Variants in GALNT17 observed in about 807,000 individuals in gnomAD.
GALNT17 encodes the protein polypeptide N-acetylgalactosaminyltransferase 17.
Under a neutral mutation model 63.7 loss-of-function variants are expected in GALNT17, and 29 were observed. That is an observed-to-expected ratio of 0.46 (90% CI 0.34 to 0.62). The LOEUF (loss-of-function observed/expected upper bound fraction) is 0.62. Among genes scored for constraint, GALNT17 ranks in the 20% least tolerant of loss-of-function variants. The probability of loss-of-function intolerance (pLI) is 0.01; values close to 1 mark genes in which losing one functional copy is unlikely to be tolerated. For missense variants in GALNT17, 603 were observed against 799.6 expected (o/e 0.75, Z 2.97); for synonymous variants, 305 against 318.3 (o/e 0.96, Z 0.45).
chr7:71,366,247 G>A (rs368923015), intron 2 of GALNT17, among the ~76,000 whole-genome samples: 4 of 151,984 alleles, frequency 2.6e-5, no homozygotes, highest in East Asian at 1.9e-4. Flanking sequence ...GTATTGTTCC[G>A]AGGCCTAGGG....
intron 2 of GALNT17, among the ~76,000 whole-genome samples, chr7:71,366,277 G>T (rs1792506005): frequency 6.6e-6 from 1 of 151,978 alleles, no homozygotes; most frequent in Non-Finnish European, 1.5e-5. Flanking sequence ...CTGTGATCTA[G>T]GTGTATACAT....
chr7:71,229,800 C>T (rs965627963), intron 1 of GALNT17, among the ~76,000 whole-genome samples: 3 of 152,332 alleles, frequency 2.0e-5, no homozygotes, highest in Middle Eastern at 3.4e-3. Context: ...CCACCTAGTT[C>T]GATGTCTGTG....
chr7:71,140,213 A>G (rs944991601), intron 1 of GALNT17, among the ~76,000 whole-genome samples: 1 of 152,174 alleles, frequency 6.6e-6, no homozygotes, highest in African/African-American at 2.4e-5. Flanking sequence ...GAACATCAGA[A>G]GGAAACCAGG....
At chr7:71,451,491 A>G (rs1563103035) in intron 5 of GALNT17, among the ~76,000 whole-genome samples, 2 of 152,040 alleles carry the variant, frequency 1.3e-5, no homozygotes, top group Admixed American at 1.3e-4. Context: ...AAATGAGATT[A>G]ATTTTAAAAT....
intron 6 of GALNT17, among the ~76,000 whole-genome samples, chr7:71,593,510 C>T (rs963661849): frequency 4.6e-5 from 7 of 152,110 alleles, no homozygotes; most frequent in African/African-American, 1.2e-4. Flanking sequence ...GTGATCTGCC[C>T]ATCTTGGCCT....
chr7:71,331,459 G>C (rs1342175511), intron 1 of GALNT17, among the ~76,000 whole-genome samples: 1 of 152,228 alleles, frequency 6.6e-6, no homozygotes, highest in African/African-American at 2.4e-5. Context: ...TGTAATCCCA[G>C]CATTTTGGGA....
At chr7:71,296,665 A>G (rs1791085531) in intron 1 of GALNT17, among the ~76,000 whole-genome samples, 1 of 151,644 alleles carries the variant, frequency 6.6e-6, no homozygotes, top group South Asian at 2.1e-4. Context: ...ACATACATGC[A>G]TACATATATA....
At position 71,132,904 on chromosome 7, in the gene GALNT17, C is replaced by A. The variant is rs752006154; in HGVS notation, c.102C>A (p.Arg34=). The A allele has an allele frequency of 5.7e-5, 92 of 1,612,570 alleles. No individual in the cohort carries two copies. Among genetic ancestry groups the A allele is most frequent in the Non-Finnish European group, 7.4e-5 (87 of 1,179,606 alleles). The stretch of plus-strand genomic sequence containing the variant: ...CCAAGTGCCGGCCCATCGCGGTGCG[C>A]AGCGGAGACGCCTTCCACGAGATCC... The part of the protein sequence containing the change: ...FLAKCRPIAV[R]SGDAFHEIRP... The change falls in exon 1 of 11, where the codon CGC becomes CGA. Residue 34 remains arginine (R), a synonymous_variant. Coordinates refer to ENST00000333538, the MANE Select transcript of GALNT17 (RefSeq NM_022479.3).
intron 1 of GALNT17, among the ~76,000 whole-genome samples, chr7:71,235,065 A>G (rs921865548): frequency 2.0e-5 from 3 of 152,140 alleles, no homozygotes; most frequent in South Asian, 2.1e-4. Flanking sequence ...AGCCTGGGCA[A>G]CACAGTGAAA....
intron 5 of GALNT17, among the ~76,000 whole-genome samples, chr7:71,534,025 T>G (rs2116787735): frequency 6.6e-6 from 1 of 152,268 alleles, no homozygotes; most frequent in South Asian, 2.1e-4. Flanking sequence ...TAAGTTTCAA[T>G]TCCCTGATAC....
intron 1 of GALNT17, among the ~76,000 whole-genome samples, chr7:71,200,031 A>C (rs1345799570): frequency 6.6e-6 from 1 of 152,186 alleles, no homozygotes; most frequent in African/African-American, 2.4e-5. Context: ...TCTCCTCAGA[A>C]AATGTTTTGA....
intron 1 of GALNT17, among the ~76,000 whole-genome samples, chr7:71,232,681 C>A (rs1789814390): frequency 6.6e-6 from 1 of 152,130 alleles, no homozygotes; most frequent in African/African-American, 2.4e-5. Context: ...GCAGGGCTGC[C>A]CCATAGGCAG....
chr7:71,535,088 C>A (rs534196490), intron 5 of GALNT17, among the ~76,000 whole-genome samples: 1 of 152,236 alleles, frequency 6.6e-6, no homozygotes, highest in African/African-American at 2.4e-5. Context: ...GTGCCTGAGC[C>A]TTTGGACCAA....
intron 6 of GALNT17, among the ~76,000 whole-genome samples, chr7:71,625,452 C>T (rs1330388497): frequency 1.3e-5 from 2 of 152,054 alleles, no homozygotes; most frequent in African/African-American, 4.8e-5. Flanking sequence ...AGCTGGTCTC[C>T]AGCCTTTATA....
At chr7:71,190,754 A>G (rs1028089601) in intron 1 of GALNT17, among the ~76,000 whole-genome samples, 12 of 151,862 alleles carry the variant, frequency 7.9e-5, no homozygotes, top group African/African-American at 2.9e-4. Flanking sequence ...ACCTCAGCCT[A>G]CCGAGTATCA....
intron 6 of GALNT17, among the ~76,000 whole-genome samples, chr7:71,642,280 G>T (rs1584108180): frequency 6.6e-6 from 1 of 151,984 alleles, no homozygotes; most frequent in Non-Finnish European, 1.5e-5. Context: ...TGGACACTCA[G>T]CCCATTGCAG....
chr7:71,603,992 T>A (rs1400857312), intron 6 of GALNT17, among the ~76,000 whole-genome samples: 1 of 151,422 alleles, frequency 6.6e-6, no homozygotes, highest in Non-Finnish European at 1.5e-5. Context: ...GGTCCTATGC[T>A]AAGTGCATAC....
At chr7:71,642,385 C>A (rs1437420038) in intron 6 of GALNT17, among the ~76,000 whole-genome samples, 1 of 152,174 alleles carries the variant, frequency 6.6e-6, no homozygotes, top group Admixed American at 6.5e-5. Flanking sequence ...TTTCAATGGG[C>A]AAGGACAATA....
At chr7:71,524,409 C>T (rs941546744) in intron 5 of GALNT17, among the ~76,000 whole-genome samples, 2 of 150,944 alleles carry the variant, frequency 1.3e-5, no homozygotes, top group East Asian at 1.9e-4. Context: ...TCTGTTTTCC[C>T]GCGTTCCCCA....
Sources: gnomAD v4.1 joint callset for allele counts (sites outside exome capture counted in the v4.1 genomes callset) on GRCh38, gnomAD v4.1.1 for gene constraint, MANE v1.5 for transcripts, NCBI Gene and HGNC (gene_info 2026-07-23, HGNC 2026-07-21) for gene names.